Variants in IQSEC3 observed in about 807,000 individuals in gnomAD.
IQSEC3 encodes the protein IQ motif and SEC7 domain-containing protein 3.
IQSEC3 carries 50 observed loss-of-function variants against 105.4 expected under a neutral mutation model. The observed-to-expected ratio is 0.47, with a 90% CI of 0.38 to 0.60. The LOEUF (loss-of-function observed/expected upper bound fraction) is 0.60, where lower values mean the gene tolerates loss of function less well. Ranked by LOEUF, IQSEC3 falls within the 20% of genes least tolerant of loss-of-function variation. The pLI is 0.00. For missense variants in IQSEC3, 1,415 were observed against 1,630.0 expected (o/e 0.87, Z 2.27); for synonymous variants, 708 against 746.0 (o/e 0.95, Z 0.83).
intron 1 of IQSEC3, among the ~76,000 whole-genome samples, chr12:69,241 C>T (rs1863213835): frequency 6.6e-6 from 1 of 152,232 alleles, no homozygotes; most frequent in African/African-American, 2.4e-5. Context: ...CACTGTGTGG[C>T]CAAGAAGAGT....
intron 1 of IQSEC3, among the ~76,000 whole-genome samples, chr12:73,746 A>G (rs563692693): frequency 2.8e-4 from 43 of 152,396 alleles, no homozygotes; most frequent in African/African-American, 1.0e-3. Context: ...TTGTCAGATG[A>G]CAGTGACAGA....
At chr12:111,924 A>G (rs1173302309) in intron 2 of IQSEC3, 1 of 152,208 alleles carries the variant, frequency 6.6e-6, no homozygotes, top group African/African-American at 2.4e-5. Flanking sequence ...ACGGTCTTGC[A>G]AAATCGGGTG....
Position 138,199 on chromosome 12 carries a change from C to A in IQSEC3, c.904-68C>A. The A allele has an allele frequency of 2.1e-6, 3 of 1,418,588 alleles. No homozygotes were observed. Among genetic ancestry groups the A allele is most frequent in the Non-Finnish European group, 2.9e-6 (3 of 1,033,042 alleles). 87.9% of individuals were successfully genotyped at this position (1,418,588 alleles called of 1,614,324 possible). A position where few individuals can be genotyped will look rare whatever the true frequency, so the allele number is the denominator to read the frequency against. On this transcript the variant is annotated intron_variant, in intron 3 of 13. Transcript: ENST00000538872. The surrounding 1 kb of genome is among the most constrained non-coding windows in gnomAD (Gnocchi z 7.1). Reference sequence around the variant, plus strand: ...CCCGAGTGTGGCCGGGTGACTCCACCACTCCTCAGAAGGGCTGACCACCCT... The same window carrying A: ...CCCGAGTGTGGCCGGGTGACTCCACAACTCCTCAGAAGGGCTGACCACCCT...
rs961531682 is a variant in IQSEC3 at position 148,812 on chromosome 12, G to A, written c.2153+7527G>A. ...GAAACCTGGGCTTAGTCTCAGCCAG[G>A]AGCACGAGCTAGGGCTTCACCTTCC... is the stretch of plus-strand genomic sequence containing the variant. On this transcript the variant is annotated intron_variant, in intron 5 of 13. Coordinates refer to ENST00000538872, the MANE Select transcript of IQSEC3 (RefSeq NM_001170738.2). 2.0e-5 allele frequency: 3 copies of A among 152,068 alleles called. No homozygotes were observed. In the East Asian group the frequency reaches 5.8e-4, roughly 29 times the overall value. The allele number at this position is 152,068 out of a possible 1,614,324, so 9.4% of individuals were successfully genotyped here. A position where few individuals can be genotyped will look rare whatever the true frequency, so the allele number is the denominator to read the frequency against.
At chr12:161,664 G>A (rs772480320) in intron 7 of IQSEC3, among the ~76,000 whole-genome samples, 5 of 152,184 alleles carry the variant, frequency 3.3e-5, no homozygotes, top group Non-Finnish European at 7.3e-5. Context: ...CCTGGGAGGT[G>A]GGCGTGAAGA....
chr12:74,576 C>A (rs1269156450), intron 1 of IQSEC3, among the ~76,000 whole-genome samples: 2 of 152,250 alleles, frequency 1.3e-5, no homozygotes, highest in Non-Finnish European at 2.9e-5. Context: ...CTGAGCGGCA[C>A]CTTTCCTCCC....
chr12:76,242 A>G (rs1272230080), intron 1 of IQSEC3, among the ~76,000 whole-genome samples: 1 of 152,260 alleles, frequency 6.6e-6, no homozygotes, highest in African/African-American at 2.4e-5. Context: ...AAAGAGCTGG[A>G]TTCCGGGGTC....
intron 5 of IQSEC3, among the ~76,000 whole-genome samples, chr12:142,938 T>A (rs1004321349): frequency 6.6e-6 from 1 of 152,214 alleles, no homozygotes; most frequent in African/African-American, 2.4e-5. Flanking sequence ...CTCTCTGCTC[T>A]GGGGGCAGGA....
chr12:146,339 G>A (rs1866268161), intron 5 of IQSEC3, among the ~76,000 whole-genome samples: 1 of 152,222 alleles, frequency 6.6e-6, no homozygotes, highest in Admixed American at 6.5e-5. Context: ...GGCCCAGGCA[G>A]GGATTGTGGC....
intron 2 of IQSEC3, among the ~76,000 whole-genome samples, chr12:124,533 G>A (rs1249055778): frequency 6.6e-6 from 1 of 152,180 alleles, no homozygotes; most frequent in Non-Finnish European, 1.5e-5. Flanking sequence ...TAGGAATTAG[G>A]ACAAGGGAAC....
intron 1 of IQSEC3, among the ~76,000 whole-genome samples, chr12:86,113 A>G (rs1184182634): frequency 1.3e-5 from 2 of 152,218 alleles, no homozygotes; most frequent in African/African-American, 4.8e-5. Context: ...AGTGATACAG[A>G]GTGGAAAAAA....
chr12:162,711 C>A (rs781832879), intron 8 of IQSEC3, among the ~76,000 whole-genome samples: 5 of 152,112 alleles, frequency 3.3e-5, no homozygotes, highest in African/African-American at 4.8e-5. Flanking sequence ...GCTTTGAGAG[C>A]CTTTATTGCT....
intron 3 of IQSEC3, among the ~76,000 whole-genome samples, chr12:132,195 G>C (rs1555085307): frequency 6.6e-6 from 1 of 152,096 alleles, no homozygotes; most frequent in Non-Finnish European, 1.5e-5. Flanking sequence ...GGAAAGGGGA[G>C]GCTGGGAGTT....
chr12:152,220 G>C lies in IQSEC3; in HGVS notation c.2154-4805G>C, dbSNP rs1269773336. 1.3e-5 allele frequency among the ~76,000 whole-genome samples: 2 copies of C among 152,320 alleles called. No individual in the cohort carries two copies. The highest frequency in any genetic ancestry group is 3.9e-4 in the East Asian group (2 of 5,176). The stretch of plus-strand genomic sequence containing the variant: ...AGGTCAGCGATATGGACCCTGCTGT[G>C]GGCTCCAGGTGCCCAGGCCAGCTCT... On this transcript the variant is annotated intron_variant, in intron 5 of 13. Coordinates refer to ENST00000538872, the MANE Select transcript of IQSEC3 (RefSeq NM_001170738.2). The surrounding 1 kb of genome is among the most constrained non-coding windows in gnomAD (Gnocchi z 4.8).
intron 2 of IQSEC3, among the ~76,000 whole-genome samples, chr12:116,910 G>A (rs1340562641): frequency 1.3e-5 from 2 of 152,196 alleles, no homozygotes; most frequent in Non-Finnish European, 2.9e-5. Context: ...GGAGGGGAGA[G>A]GAATACACAG....
intron 9 of IQSEC3, chr12:165,196 C>A: frequency 1.8e-6 from 1 of 555,234 alleles, no homozygotes; most frequent in Non-Finnish European, 3.2e-6. Flanking sequence ...GTTTTACAGG[C>A]CAGCTCAGGC....
chr12:163,516 G>A lies in IQSEC3; in HGVS notation c.2606G>A (p.Arg869His). Residue 869 changes from arginine (R) to histidine (H), a missense_variant, in exon 9 of 14, where the codon CGC becomes CAC. Physicochemically the swap from Arg to His is conservative, Grantham distance 29. This residue lies in a region of IQSEC3 where 419 missense variants were observed against 436.2 expected (regional missense o/e 0.96). Transcript: ENST00000538872. ...MKTVLSVPHR[R>H]LVCCSRLFEV... Reference sequence around the variant, plus strand: ...CAGGTGCTGTCCGTGCCCCACCGCCGCCTGGTGTGCTGCAGCCGGCTCTTC... The same window carrying A: ...CAGGTGCTGTCCGTGCCCCACCGCCACCTGGTGTGCTGCAGCCGGCTCTTC... The A allele has an allele frequency of 6.2e-7, 1 of 1,610,182 alleles. No individual in the cohort carries two copies. The highest frequency in any genetic ancestry group is 8.5e-7 in the Non-Finnish European group (1 of 1,178,536).
At chr12:124,189 C>G (rs1865306036) in intron 2 of IQSEC3, among the ~76,000 whole-genome samples, 1 of 151,922 alleles carries the variant, frequency 6.6e-6, no homozygotes, top group African/African-American at 2.4e-5. Flanking sequence ...GAGTTCGAGA[C>G]CAGCCTGGCT....
At chr12:140,887 C>T (rs1394870494) in intron 4 of IQSEC3, 5 of 485,460 alleles carry the variant, frequency 1.0e-5, no homozygotes, top group Non-Finnish European at 1.5e-5. Context: ...AAGGGTACTT[C>T]TCCTCCATCT....
Sources: gnomAD v4.1 joint callset for allele counts (sites outside exome capture counted in the v4.1 genomes callset) on GRCh38, gnomAD v4.1.1 for gene constraint, gnomAD v4.1.1 regional missense constraint, Gnocchi (gnomAD v3.1) non-coding constraint, MANE v1.5 for transcripts, NCBI Gene and HGNC (gene_info 2026-07-23, HGNC 2026-07-21) for gene names.